TLE2: variants seen among roughly 807,000 people sequenced by gnomAD.
TLE2 encodes the protein TLE family member 2, transcriptional corepressor.
In TLE2, 74 loss-of-function variants were observed where a neutral mutation model predicts 97.2. That is an observed-to-expected ratio of 0.76 (90% confidence interval 0.63 to 0.92). The LOEUF (loss-of-function observed/expected upper bound fraction) is 0.92, where lower values mean the gene tolerates loss of function less well. Among genes scored for constraint, TLE2 ranks in the 40% least tolerant of loss-of-function variants. TLE2 has a pLI of 0.00. For missense variants in TLE2, 1,038 were observed against 1,008.7 expected (o/e 1.03, Z -0.39); for synonymous variants, 499 against 432.1 (o/e 1.15, Z -1.92).
intron 8 of TLE2, 48 bp from the exon 9 acceptor site, chr19:3,015,808 T>C (rs764944978): frequency 2.2e-6 from 3 of 1,395,140 alleles, no homozygotes; most frequent in Non-Finnish European, 3.0e-6. Context: ...GGCCCTGGGC[T>C]CCTAGATTGC....
At chr19:3,018,916 C>T (rs796369103) in intron 7 of TLE2, among the ~76,000 whole-genome samples, 4 of 152,034 alleles carry the variant, frequency 2.6e-5, no homozygotes, top group African/African-American at 9.6e-5. Context: ...CCATGCCCAG[C>T]CTGTGCTTGA....
chr19:3,012,536 A>C (rs963309262), intron 11 of TLE2, among the ~76,000 whole-genome samples: 6 of 152,188 alleles, frequency 3.9e-5, no homozygotes, highest in Non-Finnish European at 8.8e-5. Context: ...ATTCTTGAAC[A>C]ACAAGGAATT....
Position 3,027,894 on chromosome 19 carries a change from A to G in TLE2, c.187-21T>C, listed in dbSNP as rs767422997. The G allele has an allele frequency of 1.6e-5, 25 of 1,604,200 alleles. No homozygotes were observed. In the East Asian group the frequency reaches 4.0e-4, roughly 26 times the overall value. ...TAATACTGCAAAGGAAAAACCAAGT[A>G]AGAACGTCTAGGGTGGAGATGGGTG... On this transcript the variant is annotated intron_variant, in intron 3 of 19. Transcript: ENST00000262953.
chr19:2,997,891 C>CT lies in TLE2; in HGVS notation c.2188_2189insA (p.Gly730GlufsTer11). 6.2e-7 allele frequency: 1 copy of CT among 1,612,888 alleles called. No homozygotes were observed. The highest frequency in any genetic ancestry group is 8.5e-7 in the Non-Finnish European group (1 of 1,179,532). On this transcript the variant is annotated frameshift_variant, in exon 20 of 20. Transcript: ENST00000262953. LOFTEE classifies it high-confidence loss of function. ...CACGGTGGCCTTCTTGTCCCCCGAG[C>CT]CTGTCACGATGTATTTGTTATTTCT...
intron 1 of TLE2, among the ~76,000 whole-genome samples, chr19:3,045,404 G>T (rs905537164): frequency 6.6e-6 from 1 of 152,128 alleles, no homozygotes; most frequent in Non-Finnish European, 1.5e-5. Context: ...AGCCTCCAAG[G>T]TCAGCCCTGC....
Position 3,027,881 on chromosome 19 carries a change from G to T in TLE2, c.187-8C>A. ...GTACGACATCTCATAATACTGCAAA[G>T]GAAAAACCAAGTAAGAACGTCTAGG... On this transcript the variant is annotated splice_polypyrimidine_tract_variant and splice_region_variant and intron_variant, in intron 3 of 19. Transcript: ENST00000262953. 1 of 1,609,126 alleles carries T rather than the reference G, an allele frequency of 6.2e-7. No homozygotes were observed. Among genetic ancestry groups the T allele is most frequent in the East Asian group, 2.2e-5 (1 of 44,786 alleles).
chr19:3,015,483 C>A (rs12984707), intron 9 of TLE2, among the ~76,000 whole-genome samples, 170 bp downstream of exon 9: 7,790 of 152,322 alleles, frequency 0.051, 300 homozygotes, highest in South Asian at 0.092. Context: ...GGAGTTAAGC[C>A]TTGCATTACA....
At position 3,028,802 on chromosome 19, in the gene TLE2, G is replaced by A; in HGVS notation, c.26C>T (p.Thr9Ile). Residue 9 changes from threonine to isoleucine, a missense_variant and splice_region_variant, in exon 2 of 20, where the codon ACC (threonine) becomes ATC (isoleucine). Thr to Ile is a moderately conservative substitution (Grantham distance 89, BLOSUM62 -1). Transcript: ENST00000262953. MYPQGRHP[T>I]PLQSGQPFKF... ...GAAGGGCTGGCCGGACTGGAGCGGG[G>A]TCTGGGGGGGGTGTGGGGGAAACGT... The A allele has an allele frequency of 6.2e-7, 1 of 1,612,454 alleles. No individual in the cohort carries two copies. The highest frequency in any genetic ancestry group is 8.5e-7 in the Non-Finnish European group (1 of 1,179,770).
chr19:3,015,638 C>T lies in TLE2; in HGVS notation c.678+15G>A. The stretch of plus-strand genomic sequence containing the variant: ...CATGCACGCCCATCCCAGTCCTGCA[C>T]CTGCCCCCACTCACATAAGGTCCTG... On this transcript the variant is annotated intron_variant, in intron 9 of 19. Coordinates refer to ENST00000262953, the MANE Select transcript of TLE2 (RefSeq NM_003260.5). 6.3e-7 allele frequency: 1 copy of T among 1,592,622 alleles called. No individual in the cohort carries two copies. The highest frequency in any genetic ancestry group is 1.7e-4 in the Middle Eastern group (1 of 6,046).
rs545576620 is a variant in TLE2, at chr19:3,044,675, C to G, written c.63+1051G>C. 9.1e-4 allele frequency among the ~76,000 whole-genome samples: 138 copies of G among 152,308 alleles called. 1 individual carries two copies. The highest frequency in any genetic ancestry group is 3.3e-3 in the African/African-American group (138 of 41,576). On this transcript the variant is annotated intron_variant, in intron 1 of 18. Coordinates refer to the TLE2 transcript ENST00000426948. Reference sequence around the variant, plus strand: ...CCTGACGTGACCCTCCTGCCTCGGCCTCCCGAAGCGCTGGGATTACAGGCG... The same window carrying G: ...CCTGACGTGACCCTCCTGCCTCGGCGTCCCGAAGCGCTGGGATTACAGGCG...
chr19:3,037,756 G>T (rs924515581), intron 1 of TLE2, among the ~76,000 whole-genome samples: 2 of 152,096 alleles, frequency 1.3e-5, no homozygotes, highest in South Asian at 4.1e-4. Flanking sequence ...CGTTTACTCT[G>T]CTTGGGTTTC....
chr19:3,034,231 C>T (rs1206985408), upstream of TLE2, among the ~76,000 whole-genome samples: 1 of 151,902 alleles, frequency 6.6e-6, no homozygotes, highest in Non-Finnish European at 1.5e-5. Flanking sequence ...GCAGCCCCCA[C>T]CCTGACCAGG....
At chr19:3,006,986 T>C (rs926598720) in intron 14 of TLE2, among the ~76,000 whole-genome samples, 1 of 151,924 alleles carries the variant, frequency 6.6e-6, no homozygotes, top group Non-Finnish European at 1.5e-5. Flanking sequence ...GGTTTCACCA[T>C]GTTGGCCAGG....
chr19:3,029,948 C>T (rs1378551445), upstream of TLE2, among the ~76,000 whole-genome samples: 8 of 152,178 alleles, frequency 5.3e-5, 1 homozygote, highest in South Asian at 8.3e-4. Context: ...AGGTGTGCAC[C>T]ACCACGCCCA....
At chr19:3,015,032 A>G (rs1363095085) in intron 9 of TLE2, among the ~76,000 whole-genome samples, 1 of 144,516 alleles carries the variant, frequency 6.9e-6, no homozygotes, top group Non-Finnish European at 1.5e-5. Flanking sequence ...TAATAAATAA[A>G]TAAATAAATA....
chr19:3,012,962 G>A (rs1021166734), intron 11 of TLE2, among the ~76,000 whole-genome samples: 1 of 152,174 alleles, frequency 6.6e-6, no homozygotes, highest in Non-Finnish European at 1.5e-5. Flanking sequence ...CCCTTGTAAG[G>A]TTTTTCCCGC....
rs771690849 is a variant in TLE2, at chr19:2,997,951, T to C, written c.2129A>G (p.Lys710Arg). ...ACAACTCAGGACTGAGGACGACTCCTTGGACTGCCAAGGGAAGGGAGAGAG... is the reference window on the plus strand; with the variant it reads ...ACAACTCAGGACTGAGGACGACTCCCTGGACTGCCAAGGGAAGGGAGAGAG... The part of the protein sequence containing the change: ...TPYGASIFQS[K>R]ESSSVLSCDI... Residue 710 changes from lysine (K) to arginine (R), a missense_variant, in exon 20 of 20, where the codon AAG (lysine) becomes AGG (arginine). Lys to Arg is a conservative substitution (Grantham distance 26). Transcript: ENST00000262953. The C allele has an allele frequency of 6.2e-7, 1 of 1,610,158 alleles. No individual in the cohort carries two copies. The highest frequency in any genetic ancestry group is 1.1e-5 in the South Asian group (1 of 90,388).
At chr19:3,030,078 C>G (rs116278279), upstream of TLE2, among the ~76,000 whole-genome samples, 1,746 of 152,276 alleles carry the variant, frequency 0.011, 36 homozygotes, top group African/African-American at 0.04. Flanking sequence ...GCTGGGATTA[C>G]GGGCGGGAGC....
chr19:3,039,758 C>T (rs888889252), intron 1 of TLE2, among the ~76,000 whole-genome samples: 2 of 152,168 alleles, frequency 1.3e-5, no homozygotes, highest in African/African-American at 4.8e-5. Flanking sequence ...GGACGCGATG[C>T]CAGGTCCCCT....
Sources: allele counts gnomAD v4.1 joint callset (sites outside exome capture counted in the v4.1 genomes callset), GRCh38; gene constraint gnomAD v4.1.1; transcripts MANE v1.5; gene names NCBI Gene and HGNC (gene_info 2026-07-23, HGNC 2026-07-21).